Variants in LINGO2 observed in about 807,000 individuals in gnomAD.
The protein encoded by LINGO2 is leucine rich repeat and Ig domain containing 2.
Under a neutral mutation model 30.6 loss-of-function variants are expected in LINGO2, and 14 were observed. The ratio of observed to expected loss-of-function variants is 0.46; its 90% CI spans 0.30 to 0.72. LINGO2 has a LOEUF of 0.72. LINGO2 is among the 30% of genes least tolerant of loss of function. LINGO2 has a pLI of 0.07. For missense variants in LINGO2, 729 were observed against 751.7 expected (o/e 0.97, Z 0.35); for synonymous variants, 317 against 288.5 (o/e 1.10, Z -1.00).
At chr9:28,231,881 G>C (rs972022170) in intron 4 of LINGO2, among the ~76,000 whole-genome samples, 1 of 151,848 alleles carries the variant, frequency 6.6e-6, no homozygotes, top group Non-Finnish European at 1.5e-5. Context: ...TTAAAAAAAG[G>C]ATACTTCCTA....
the LINGO2 span, among the ~76,000 whole-genome samples, chr9:28,695,042 C>A: frequency 1.4e-5 from 2 of 139,354 alleles, no homozygotes; most frequent in Admixed American, 1.4e-4. Flanking sequence ...CTGCCCCAAT[C>A]TCTAATACAA....
chr9:28,028,019 C>A (rs910128556), intron 4 of LINGO2, among the ~76,000 whole-genome samples: 1 of 152,144 alleles, frequency 6.6e-6, no homozygotes, highest in East Asian at 1.9e-4. Context: ...TGACCACTCA[C>A]TTATTTGTTA....
At chr9:28,490,651 A>C (rs1014829342) in intron 1 of LINGO2, among the ~76,000 whole-genome samples, 4 of 152,218 alleles carry the variant, frequency 2.6e-5, no homozygotes, top group African/African-American at 4.8e-5. Context: ...GATTATGTGA[A>C]GTGTCCTACC....
At chr9:29,095,744 A>G in the LINGO2 span, among the ~76,000 whole-genome samples, 1 of 138,924 alleles carries the variant, frequency 7.2e-6, no homozygotes, top group Non-Finnish European at 1.6e-5. Context: ...CATACAAATC[A>G]TGGGGATTCT....
the LINGO2 span, among the ~76,000 whole-genome samples, chr9:29,067,957 T>G: frequency 6.6e-6 from 1 of 151,608 alleles, no homozygotes; most frequent in Non-Finnish European, 1.5e-5. Flanking sequence ...AGACTATCGA[T>G]TGGGGGAATA....
the LINGO2 span, among the ~76,000 whole-genome samples, chr9:28,884,817 T>C: frequency 7.0e-6 from 1 of 143,474 alleles, no homozygotes; most frequent in South Asian, 2.1e-4. Context: ...GCAGTATATA[T>C]ATATATTTCT....
the LINGO2 span, among the ~76,000 whole-genome samples, chr9:28,862,543 T>TTA: frequency 8.5e-5 from 13 of 152,102 alleles, no homozygotes; most frequent in South Asian, 4.1e-4. Flanking sequence ...TCACCCAACC[T>TTA]TATAGAGCAT....
chr9:28,748,454 AT>A, the LINGO2 span, among the ~76,000 whole-genome samples: 3 of 152,034 alleles, frequency 2.0e-5, no homozygotes, highest in South Asian at 2.1e-4. Context: ...AGAAAAAAAA[AT>A]GACACATCAA....
the LINGO2 span, among the ~76,000 whole-genome samples, chr9:29,143,246 C>T: frequency 1.3e-5 from 2 of 152,028 alleles, no homozygotes; most frequent in Non-Finnish European, 2.9e-5. Flanking sequence ...CCATTCTACA[C>T]AAGATCATCT....
chr9:28,277,254 C>T (rs72709345), intron 4 of LINGO2, among the ~76,000 whole-genome samples: 3,416 of 152,050 alleles, frequency 0.022, 92 homozygotes, highest in African/African-American at 0.058. Context: ...GATCTGTGAT[C>T]GATGCTTTAT....
At chr9:29,190,176 TAA>T in the LINGO2 span, among the ~76,000 whole-genome samples, 3 of 152,144 alleles carry the variant, frequency 2.0e-5, no homozygotes, top group Admixed American at 6.5e-5. Context: ...TCTTCTTTAT[TAA>T]AGAGCAGTCA....
chr9:28,789,809 G>A, the LINGO2 span, among the ~76,000 whole-genome samples: 1 of 152,048 alleles, frequency 6.6e-6, no homozygotes, highest in East Asian at 1.9e-4. Context: ...ATGGACCATG[G>A]CATATGTAAT....
At chr9:28,006,467 T>C (rs1047184124) in intron 5 of LINGO2, among the ~76,000 whole-genome samples, 15 of 152,034 alleles carry the variant, frequency 9.9e-5, no homozygotes, top group African/African-American at 2.4e-4. Flanking sequence ...AGATGGAAAA[T>C]TTATATAACT....
chr9:28,554,061 A>C (rs192643330), intron 1 of LINGO2, among the ~76,000 whole-genome samples: 2,110 of 152,106 alleles, frequency 0.014, 46 homozygotes, highest in East Asian at 0.095. Flanking sequence ...AATGTAAAGA[A>C]CATCGAGACT....
At chr9:28,981,061 A>T in the LINGO2 span, among the ~76,000 whole-genome samples, 1 of 152,110 alleles carries the variant, frequency 6.6e-6, no homozygotes. Context: ...TAATGACCAT[A>T]ATCAACACTT....
chr9:28,278,850 G>A (rs1426224100), intron 4 of LINGO2, among the ~76,000 whole-genome samples: 1 of 152,124 alleles, frequency 6.6e-6, no homozygotes, highest in African/African-American at 2.4e-5. Flanking sequence ...TAGCTCCATA[G>A]ATAGTGATTC....
intron 1 of LINGO2, among the ~76,000 whole-genome samples, chr9:28,664,415 C>T (rs746365178): frequency 1.3e-5 from 2 of 151,908 alleles, no homozygotes; most frequent in African/African-American, 2.4e-5. Flanking sequence ...ACTACTCACT[C>T]GCAATTTAAG....
intron 5 of LINGO2, among the ~76,000 whole-genome samples, chr9:27,960,837 G>C (rs1226362505): frequency 6.6e-6 from 1 of 151,554 alleles, no homozygotes; most frequent in Admixed American, 6.6e-5. Flanking sequence ...TGCATTTTTT[G>C]TTCCTGTCTT....
At chr9:28,175,196 C>T (rs1828717089) in intron 4 of LINGO2, among the ~76,000 whole-genome samples, 1 of 152,154 alleles carries the variant, frequency 6.6e-6, no homozygotes, top group Admixed American at 6.5e-5. Context: ...CAGCCTGCAA[C>T]AGCAAAGCCT....
Sources: gnomAD v4.1 joint callset for allele counts (sites outside exome capture counted in the v4.1 genomes callset) on GRCh38, gnomAD v4.1.1 for gene constraint, MANE v1.5 for transcripts, NCBI Gene and HGNC (gene_info 2026-07-23, HGNC 2026-07-21) for gene names.